HYCC2: variants seen among roughly 807,000 people sequenced by gnomAD.
HYCC2 encodes the protein hyccin PI4KA lipid kinase complex subunit 2.
At chr2:200,988,308 A>T in the HYCC2 span, 1 of 1,613,734 alleles carries the variant, frequency 6.2e-7, no homozygotes, top group Admixed American at 1.7e-5. Context: ...TTGTAATTGC[A>T]GTCCGAGAAA....
At chr2:200,991,515 G>C in the HYCC2 span, among the ~76,000 whole-genome samples, 12 of 151,528 alleles carry the variant, frequency 7.9e-5, no homozygotes, top group East Asian at 2.3e-3. Context: ...GTTGCAGTGA[G>C]CTGAGATAGC....
At chr2:201,067,017 T>C in the HYCC2 span, 34 of 357,864 alleles carry the variant, frequency 9.5e-5, no homozygotes, top group Middle Eastern at 2.1e-3. Flanking sequence ...TTTGTGTTCA[T>C]TGTGGATGTT....
At chr2:200,983,980 T>A in the HYCC2 span, among the ~76,000 whole-genome samples, 2 of 152,374 alleles carry the variant, frequency 1.3e-5, no homozygotes, top group African/African-American at 2.4e-5. Context: ...GAATACTGAT[T>A]GTACTTTAAT....
At chr2:200,993,161 G>A in the HYCC2 span, among the ~76,000 whole-genome samples, 2 of 152,126 alleles carry the variant, frequency 1.3e-5, no homozygotes, top group Non-Finnish European at 2.9e-5. Context: ...ATACAGTTGT[G>A]AACAGGTGAA....
At chr2:201,036,729 A>G in the HYCC2 span, among the ~76,000 whole-genome samples, 1 of 152,234 alleles carries the variant, frequency 6.6e-6, no homozygotes, top group Non-Finnish European at 1.5e-5. Flanking sequence ...TAAATTAGAT[A>G]CTGATGGAAC....
chr2:200,979,485 A>G, the HYCC2 span: 1 of 152,570 alleles, frequency 6.6e-6, no homozygotes, highest in Non-Finnish European at 1.5e-5. Context: ...TCTTAGGGAA[A>G]AAAGAAAGTC....
chr2:201,003,789 T>C, the HYCC2 span, among the ~76,000 whole-genome samples: 1 of 150,626 alleles, frequency 6.6e-6, no homozygotes, highest in Admixed American at 6.6e-5. Context: ...GTTTGGGTTT[T>C]TTGTTGTTGT....
the HYCC2 span, chr2:200,987,570 T>G: frequency 7.8e-7 from 1 of 1,278,992 alleles, no homozygotes; most frequent in African/African-American, 1.5e-5. Context: ...GCTTTTATGC[T>G]GCTCTATTAT....
At chr2:201,006,014 A>G in the HYCC2 span, among the ~76,000 whole-genome samples, 1 of 148,202 alleles carries the variant, frequency 6.7e-6, no homozygotes, top group Non-Finnish European at 1.5e-5. Context: ...TTGTGTTTTC[A>G]GTAGAGACAG....
the HYCC2 span, among the ~76,000 whole-genome samples, chr2:201,042,622 G>A: frequency 1.3e-5 from 2 of 150,580 alleles, no homozygotes; most frequent in Non-Finnish European, 3.0e-5. Flanking sequence ...CCGTCTGGGG[G>A]AGCCCCTCCG....
chr2:201,070,023 A>G, the HYCC2 span, among the ~76,000 whole-genome samples: 10 of 152,212 alleles, frequency 6.6e-5, no homozygotes, highest in African/African-American at 2.2e-4. Flanking sequence ...GCTAAAGGCA[A>G]TATTTCAAAC....
chr2:200,998,078 C>T, the HYCC2 span, among the ~76,000 whole-genome samples: 1 of 152,138 alleles, frequency 6.6e-6, no homozygotes, highest in Non-Finnish European at 1.5e-5. Flanking sequence ...ACAGATGACT[C>T]CCCTATGAAT....
At chr2:201,008,644 C>T in the HYCC2 span, among the ~76,000 whole-genome samples, 2 of 150,700 alleles carry the variant, frequency 1.3e-5, no homozygotes, top group Non-Finnish European at 2.9e-5. Flanking sequence ...CCTATAATCT[C>T]AGCACTTTGT....
At chr2:200,992,429 T>A in the HYCC2 span, 1 of 1,141,534 alleles carries the variant, frequency 8.8e-7, no homozygotes, top group Non-Finnish European at 1.3e-6. Flanking sequence ...CACAACTTTT[T>A]AAATTGTTCC....
At chr2:201,022,409 A>G in the HYCC2 span, 1 of 278,666 alleles carries the variant, frequency 3.6e-6, no homozygotes, top group African/African-American at 2.3e-5. Flanking sequence ...TTGTGTTATC[A>G]GTTTGATTTC....
the HYCC2 span, among the ~76,000 whole-genome samples, chr2:201,068,693 T>G: frequency 1.3e-5 from 2 of 152,164 alleles, no homozygotes; most frequent in African/African-American, 2.4e-5. Context: ...ACTGTATCTA[T>G]CACAGGCTTA....
chr2:201,051,712 A>C, the HYCC2 span, among the ~76,000 whole-genome samples: 3 of 152,354 alleles, frequency 2.0e-5, no homozygotes, highest in African/African-American at 4.8e-5. Context: ...CATGTTCATG[A>C]GTTGGGAAGA....
At chr2:201,021,990 C>T in the HYCC2 span, 8 of 943,140 alleles carry the variant, frequency 8.5e-6, no homozygotes, top group Non-Finnish European at 1.5e-6. Flanking sequence ...GGTCAATAAG[C>T]AAGCTTTTAG....
chr2:201,013,281 C>T, the HYCC2 span, among the ~76,000 whole-genome samples: 1 of 152,014 alleles, frequency 6.6e-6, no homozygotes, highest in African/African-American at 2.4e-5. Context: ...ACTAGCATGG[C>T]CAACAAAGCA....
Sources: gnomAD v4.1 joint callset for allele counts (sites outside exome capture counted in the v4.1 genomes callset) on GRCh38, gnomAD v4.1.1 for gene constraint, MANE v1.5 for transcripts, NCBI Gene and HGNC (gene_info 2026-07-23, HGNC 2026-07-21) for gene names.